GRIK4: variants seen among roughly 807,000 people sequenced by gnomAD.
The protein encoded by GRIK4 is glutamate ionotropic receptor kainate type subunit 4.
GRIK4 carries 40 observed loss-of-function variants against 104.9 expected under a neutral mutation model. The observed-to-expected ratio is 0.38, with a 90% confidence interval of 0.30 to 0.50. The LOEUF (loss-of-function observed/expected upper bound fraction) is 0.50. GRIK4 is among the 20% of genes least tolerant of loss of function. The pLI is 0.93. For missense variants in GRIK4, 1,047 were observed against 1,308.1 expected (o/e 0.80, Z 3.08); for synonymous variants, 485 against 524.9 (o/e 0.92, Z 1.04).
At chr11:120,969,480 G>C (rs2134756567) in intron 19 of GRIK4, among the ~76,000 whole-genome samples, 1 of 152,254 alleles carries the variant, frequency 6.6e-6, no homozygotes, top group East Asian at 1.9e-4. Context: ...ATGTGGAACA[G>C]ATAAGAATTC....
At chr11:120,901,944 C>T (rs1942748427) in intron 12 of GRIK4, among the ~76,000 whole-genome samples, 1 of 152,210 alleles carries the variant, frequency 6.6e-6, no homozygotes, top group Non-Finnish European at 1.5e-5. Flanking sequence ...ATGGTAAGTA[C>T]AACTCAAACA....
Position 120,986,526 on chromosome 11 carries a change from G to T in GRIK4, c.*266G>T. The T allele has an allele frequency of 2.2e-6, 1 of 463,000 alleles. No homozygotes were observed. Among genetic ancestry groups the T allele is most frequent in the South Asian group, 3.1e-5 (1 of 32,410 alleles). 28.7% of individuals were successfully genotyped at this position (463,000 alleles called of 1,614,324 possible). On this transcript the variant is annotated 3_prime_UTR_variant, in exon 21 of 21. Transcript: ENST00000527524. ...GGGCACAAGGACCCATCTTCTCCCA[G>T]TGGGTCTTTCCCTCTCGCCAAAATA...
intron 13 of GRIK4, among the ~76,000 whole-genome samples, chr11:120,938,223 C>G (rs1032000967): frequency 3.9e-5 from 6 of 152,088 alleles, no homozygotes; most frequent in Non-Finnish European, 8.8e-5. Context: ...TCTGAACGGC[C>G]CAAGCAACTG....
At chr11:120,701,477 A>G (rs754632641) in intron 3 of GRIK4, among the ~76,000 whole-genome samples, 1 of 152,362 alleles carries the variant, frequency 6.6e-6, no homozygotes, top group Admixed American at 6.5e-5. Context: ...GGTGAGTAGT[A>G]TGCCATTGTG....
At chr11:120,643,414 C>T (rs969600969) in intron 1 of GRIK4, among the ~76,000 whole-genome samples, 2 of 152,138 alleles carry the variant, frequency 1.3e-5, no homozygotes, top group African/African-American at 4.8e-5. Flanking sequence ...CCTGAGGCAC[C>T]GTGGGACCCA....
At chr11:120,560,287 G>T (rs1230364748) in intron 1 of GRIK4, among the ~76,000 whole-genome samples, 1 of 151,988 alleles carries the variant, frequency 6.6e-6, no homozygotes, top group East Asian at 1.9e-4. Flanking sequence ...CCCGACCTCA[G>T]GTGATCCACC....
At chr11:120,545,906 T>C (rs1352520615) in intron 1 of GRIK4, among the ~76,000 whole-genome samples, 3 of 152,180 alleles carry the variant, frequency 2.0e-5, no homozygotes, top group Non-Finnish European at 4.4e-5. Flanking sequence ...TCCTGCATGT[T>C]TTCAGACAGA....
intron 1 of GRIK4, among the ~76,000 whole-genome samples, chr11:120,639,864 C>T (rs1488019844): frequency 6.6e-6 from 1 of 152,170 alleles, no homozygotes; most frequent in East Asian, 1.9e-4. Flanking sequence ...CTCAGTGGCT[C>T]TTTGGTACCC....
chr11:120,773,847 A>G lies in GRIK4; in HGVS notation c.83-28846A>G, dbSNP rs189583615. 5.9e-5 allele frequency among the ~76,000 whole-genome samples: 9 copies of G among 152,320 alleles called. No individual in the cohort carries two copies. In the East Asian group the frequency reaches 1.7e-3, roughly 29 times the overall value. The stretch of plus-strand genomic sequence containing the variant: ...CCCTCTGCTGGTCCAAGAATTACCA[A>G]GTTAAAACATTTGTATAGAAAGTGG... On this transcript the variant is annotated intron_variant, in intron 3 of 20. Transcript: ENST00000527524.
intron 8 of GRIK4, among the ~76,000 whole-genome samples, chr11:120,854,751 A>G (rs1954060770): frequency 6.6e-6 from 1 of 152,322 alleles, no homozygotes; most frequent in African/African-American, 2.4e-5. Flanking sequence ...CCTATGTATT[A>G]TCTTTTTTGA....
chr11:120,810,066 A>T (rs964015895), intron 4 of GRIK4, among the ~76,000 whole-genome samples: 8 of 152,168 alleles, frequency 5.3e-5, no homozygotes, highest in African/African-American at 1.9e-4. Flanking sequence ...CACTGTCTCA[A>T]AACAAACAAA....
rs1420191941 is a variant in GRIK4, at chr11:120,985,980, G to A, written c.2591G>A (p.Arg864Gln). ...CAGGACAGTATCCACCCCCGCCGGCGGCGCGCCGCAGTCCCGCCGCCCCGG... is the reference window on the plus strand; with the variant it reads ...CAGGACAGTATCCACCCCCGCCGGCAGCGCGCCGCAGTCCCGCCGCCCCGG... ...LCQDSIHPRRRRAAVPPPRPP... is the reference protein window; with the variant it reads ...LCQDSIHPRRQRAAVPPPRPP... Residue 864 changes from arginine to glutamine, a missense_variant, in exon 21 of 21, where the codon CGG becomes CAG. Transcript: ENST00000527524. 3 of 1,534,832 alleles carry A rather than the reference G, an allele frequency of 2.0e-6. No individual in the cohort carries two copies. Among genetic ancestry groups the A allele is most frequent in the East Asian group, 2.6e-5 (1 of 38,924 alleles).
At chr11:120,975,143 A>C (rs1944539894) in intron 19 of GRIK4, among the ~76,000 whole-genome samples, 1 of 152,256 alleles carries the variant, frequency 6.6e-6, no homozygotes, top group Non-Finnish European at 1.5e-5. Flanking sequence ...AGAATGGAAA[A>C]GAGGCCAGTG....
chr11:120,693,520 T>C (rs1950398748), intron 3 of GRIK4, among the ~76,000 whole-genome samples: 1 of 152,204 alleles, frequency 6.6e-6, no homozygotes. Flanking sequence ...CATCCGTCTA[T>C]CAGTTAGTCC....
rs1948159905 is a variant in GRIK4, at chr11:120,553,603, G to C, written c.-159+41716G>C. ...TTCCAAGAGGCTGTAGGGAAAAGAA[G>C]GTTTGACCTGAACTCAGGGGTTATA... On this transcript the variant is annotated intron_variant, in intron 1 of 20. Transcript: ENST00000527524. Among the ~76,000 whole-genome samples the C allele has an allele frequency of 1.3e-5, 2 of 152,216 alleles. 1 individual carries two copies. Among genetic ancestry groups the C allele is most frequent in the South Asian group, 4.1e-4 (2 of 4,832 alleles).
At chr11:120,580,200 T>G (rs1436904614) in intron 1 of GRIK4, among the ~76,000 whole-genome samples, 3 of 30,952 alleles carry the variant, frequency 9.7e-5, no homozygotes, top group African/African-American at 3.5e-4. Context: ...ACAAGGGTTC[T>G]TTCTTTCTTT....
At chr11:120,825,683 A>G (rs1591961822) in intron 6 of GRIK4, among the ~76,000 whole-genome samples, 1 of 152,184 alleles carries the variant, frequency 6.6e-6, no homozygotes, top group South Asian at 2.1e-4. Flanking sequence ...GCCAAGCTGC[A>G]CCACCACTTG....
rs182907583 is a variant in GRIK4 at position 120,518,321 on chromosome 11, A to G, written c.-159+6434A>G. 2.7e-3 allele frequency among the ~76,000 whole-genome samples: 415 copies of G among 152,264 alleles called. 1 individual carries two copies. Among genetic ancestry groups the G allele is most frequent in the Non-Finnish European group, 4.4e-3 (300 of 68,022 alleles). On this transcript the variant is annotated intron_variant, in intron 1 of 20. Transcript: ENST00000527524. ...GCACGAGTCCGTGGCAGCAGTGGTT[A>G]TTAGTAGTTATTATTGTGTTGCATC... is the stretch of plus-strand genomic sequence containing the variant.
In GRIK4 at chr11:120,956,424, C is replaced by T. The variant is rs921361184; in HGVS notation, c.1701-356C>T. On this transcript the variant is annotated intron_variant, in intron 15 of 20. Coordinates refer to ENST00000527524, the MANE Select transcript of GRIK4 (RefSeq NM_014619.5). The surrounding 1 kb of genome is among the most constrained non-coding windows in gnomAD (Gnocchi z 4.6). Reference sequence around the variant, plus strand: ...TTCGCTGTGTTGCCCAGGCTGGTCTCGAATCCCTGGACTCAAGCAATCCAC... The same window carrying T: ...TTCGCTGTGTTGCCCAGGCTGGTCTTGAATCCCTGGACTCAAGCAATCCAC... Among the ~76,000 whole-genome samples, 2 of 151,968 alleles carry T rather than the reference C, an allele frequency of 1.3e-5. No individual in the cohort carries two copies. Among genetic ancestry groups the T allele is most frequent in the Non-Finnish European group, 2.9e-5 (2 of 67,976 alleles).
Sources: allele counts gnomAD v4.1 joint callset (sites outside exome capture counted in the v4.1 genomes callset), GRCh38; gene constraint gnomAD v4.1.1; non-coding constraint Gnocchi (gnomAD v3.1); transcripts MANE v1.5; gene names NCBI Gene and HGNC (gene_info 2026-07-23, HGNC 2026-07-21).